Variants in CACNA1E observed in about 807,000 individuals in gnomAD.
The protein encoded by CACNA1E is voltage-dependent R-type calcium channel subunit alpha-1E.
CACNA1E carries 40 observed loss-of-function variants against 259.2 expected under a neutral mutation model. The ratio of observed to expected loss-of-function variants is 0.15; its 90% confidence interval spans 0.12 to 0.20. CACNA1E has a LOEUF of 0.20. CACNA1E is among the 10% of genes least tolerant of loss of function. The pLI is 1.00. For missense variants in CACNA1E, 1,874 were observed against 3,040.1 expected, an observed-to-expected ratio of 0.62 and a Z score of 9.02; for synonymous variants, 1,104 against 1,138.5, an observed-to-expected ratio of 0.97 and a Z score of 0.61.
At chr1:181,473,335 A>G (rs1234616695) in intron 2 of CACNA1E, among the ~76,000 whole-genome samples, 2 of 152,216 alleles carry the variant, frequency 1.3e-5, no homozygotes, top group African/African-American at 4.8e-5. Flanking sequence ...GTGTAAAACC[A>G]TGCTAATTAT....
chr1:181,446,179 G>A (rs1444797181), intron 2 of CACNA1E, among the ~76,000 whole-genome samples: 3 of 152,210 alleles, frequency 2.0e-5, no homozygotes, highest in Admixed American at 6.5e-5. Context: ...GGACTTCCAG[G>A]ACTGGGAGAG....
At chr1:181,684,876 C>CTTTTTTTTTTTT (rs34538225) in intron 7 of CACNA1E, among the ~76,000 whole-genome samples, 1 of 135,154 alleles carries the variant, frequency 7.4e-6, no homozygotes, top group African/African-American at 2.8e-5. Flanking sequence ...TTTTTAAATC[C>CTTTTTTTTTTTT]TTTTTTTTTT....
intron 1 of CACNA1E, among the ~76,000 whole-genome samples, chr1:181,505,942 G>A (rs2102592827): frequency 6.6e-6 from 1 of 152,356 alleles, no homozygotes; most frequent in East Asian, 1.9e-4. Flanking sequence ...AGGCAGGCAA[G>A]GTCCTGCCCT....
intron 1 of CACNA1E, among the ~76,000 whole-genome samples, chr1:181,493,491 AT>A (rs1664490941): frequency 6.6e-6 from 1 of 152,176 alleles, no homozygotes; most frequent in Admixed American, 6.5e-5. Flanking sequence ...AAAACTTAAG[AT>A]ATAGGAAGTG....
intron 2 of CACNA1E, among the ~76,000 whole-genome samples, chr1:181,464,605 T>A (rs1367959001): frequency 6.6e-6 from 1 of 151,754 alleles, no homozygotes; most frequent in African/African-American, 2.4e-5. Context: ...AGTGGCTTTT[T>A]TTTTTTTTTT....
intron 25 of CACNA1E, among the ~76,000 whole-genome samples, chr1:181,750,065 T>C (rs891450494): frequency 2.6e-5 from 4 of 152,274 alleles, no homozygotes; most frequent in African/African-American, 9.6e-5. Flanking sequence ...TGGTTTCTTA[T>C]AAATTCACTG....
chr1:181,560,398 C>G (rs1389946414), intron 3 of CACNA1E, among the ~76,000 whole-genome samples: 1 of 151,118 alleles, frequency 6.6e-6, no homozygotes, highest in Non-Finnish European at 1.5e-5. Flanking sequence ...TCTTTTTTTT[C>G]CTTTTGAATG....
intron 1 of CACNA1E, among the ~76,000 whole-genome samples, chr1:181,328,040 A>G (rs1650931410): frequency 6.6e-6 from 1 of 152,194 alleles, no homozygotes. Flanking sequence ...GTGTCTTCAC[A>G]TAGTTGCAGA....
intron 7 of CACNA1E, among the ~76,000 whole-genome samples, chr1:181,700,910 AT>A (rs1481890312): frequency 2.0e-5 from 3 of 151,972 alleles, no homozygotes; most frequent in Admixed American, 6.6e-5. Flanking sequence ...CCCCTGCTCC[AT>A]TTTCCCTCAT....
intron 7 of CACNA1E, among the ~76,000 whole-genome samples, chr1:181,704,057 A>C (rs1652549804): frequency 6.6e-6 from 1 of 152,132 alleles, no homozygotes; most frequent in Admixed American, 6.6e-5. Flanking sequence ...CATTTGCATC[A>C]CCCATCCTGC....
At chr1:181,738,460 GT>G in intron 24 of CACNA1E, 34 bp downstream of exon 24, 1 of 1,535,648 alleles carries the variant, frequency 6.5e-7, no homozygotes, top group Non-Finnish European at 9.0e-7. Flanking sequence ...GGGCTCTTGG[GT>G]TTAGATGGGT....
At chr1:181,597,352 C>T (rs1468564088) in intron 6 of CACNA1E, among the ~76,000 whole-genome samples, 1 of 152,184 alleles carries the variant, frequency 6.6e-6, no homozygotes, top group African/African-American at 2.4e-5. Flanking sequence ...TCAGTCTGCC[C>T]CTTCCTCTTC....
intron 1 of CACNA1E, among the ~76,000 whole-genome samples, chr1:181,319,260 G>A (rs961141139): frequency 2.6e-5 from 4 of 152,362 alleles, no homozygotes; most frequent in South Asian, 2.1e-4. Flanking sequence ...AATCCACAGA[G>A]CAGGCTGAAC....
intron 6 of CACNA1E, among the ~76,000 whole-genome samples, chr1:181,642,676 C>T (rs187616106): frequency 1.8e-3 from 270 of 152,300 alleles, no homozygotes; most frequent in African/African-American, 6.2e-3. Context: ...CCACTGGGCA[C>T]GTTCTCTTTA....
At chr1:181,652,658 G>A (rs57700975) in intron 7 of CACNA1E, among the ~76,000 whole-genome samples, 11,160 of 152,168 alleles carry the variant, frequency 0.073, 677 homozygotes, top group African/African-American at 0.16. Flanking sequence ...TGGGGTAGGC[G>A]TGGTGCTAAA....
At chr1:181,618,674 T>C (rs1056137720) in intron 6 of CACNA1E, among the ~76,000 whole-genome samples, 2 of 152,228 alleles carry the variant, frequency 1.3e-5, no homozygotes, top group African/African-American at 4.8e-5. Flanking sequence ...AGATGTTTCA[T>C]TATTTGAAGA....
At chr1:181,555,955 T>C (rs141516813) in intron 3 of CACNA1E, among the ~76,000 whole-genome samples, 1 of 152,272 alleles carries the variant, frequency 6.6e-6, no homozygotes, top group Non-Finnish European at 1.5e-5. Context: ...TTAAACTCTA[T>C]ATAAAGGCAT....
Position 181,607,170 on chromosome 1 carries a change from A to G in CACNA1E, c.951+26394A>G, listed in dbSNP as rs1032286493. Among the ~76,000 whole-genome samples, 4 of 152,190 alleles carry G rather than the reference A, an allele frequency of 2.6e-5. No homozygotes were observed. In the South Asian group the frequency reaches 6.2e-4, roughly 24 times the overall value. On this transcript the variant is annotated intron_variant, in intron 6 of 47. Transcript: ENST00000367573. ...GAATAAATGAGTGAATCTATCTCGA[A>G]CACTTTTGTGCCTAGGGCTTTGATT...
intron 2 of CACNA1E, among the ~76,000 whole-genome samples, chr1:181,438,044 A>T (rs1188184304): frequency 6.6e-6 from 1 of 152,128 alleles, no homozygotes; most frequent in East Asian, 1.9e-4. Flanking sequence ...CCCACAAATG[A>T]CACTACCATC....
Sources: allele counts gnomAD v4.1 joint callset (sites outside exome capture counted in the v4.1 genomes callset), GRCh38; gene constraint gnomAD v4.1.1; transcripts MANE v1.5; gene names NCBI Gene and HGNC (gene_info 2026-07-23, HGNC 2026-07-21).